Variants in TRIM9 observed in about 807,000 individuals in gnomAD.
TRIM9 encodes the protein tripartite motif containing 9.
In TRIM9, 26 loss-of-function variants were observed where a neutral mutation model predicts 78.3. That is an observed-to-expected ratio of 0.33 (90% CI 0.24 to 0.46). The LOEUF (loss-of-function observed/expected upper bound fraction) is 0.46. TRIM9 is among the 20% of genes least tolerant of loss of function. The probability of loss-of-function intolerance (pLI) is 1.00; values close to 1 mark genes in which losing one functional copy is unlikely to be tolerated. For missense variants in TRIM9, 787 were observed against 1,036.4 expected, an observed-to-expected ratio of 0.76 and a Z score of 3.30; for synonymous variants, 398 against 416.5, an observed-to-expected ratio of 0.96 and a Z score of 0.54.
At chr14:51,061,510 C>A (rs1246573167) in intron 1 of TRIM9, among the ~76,000 whole-genome samples, 1 of 150,774 alleles carries the variant, frequency 6.6e-6, no homozygotes, top group Non-Finnish European at 1.5e-5. Context: ...TTTTCCTAGT[C>A]TGTATCTTGA....
chr14:51,039,394 A>G lies in TRIM9; in HGVS notation c.823-14034T>C, dbSNP rs552728565. 1.0e-4 allele frequency among the ~76,000 whole-genome samples: 16 copies of G among 152,388 alleles called. No homozygotes were observed. The South Asian group carries it at 2.9e-3, about 28-fold the overall frequency. On this transcript the variant is annotated intron_variant, in intron 1 of 12. Coordinates refer to ENST00000684578, the MANE Select transcript of TRIM9 (RefSeq NM_001387360.1). The stretch of plus-strand genomic sequence containing the variant: ...CAAGCTGGAAACAGCTCAGATGTCT[A>G]CCAACAGTAACATGCATAAATAAAC...
chr14:51,039,613 A>G (rs947192829), intron 1 of TRIM9, among the ~76,000 whole-genome samples: 2 of 152,164 alleles, frequency 1.3e-5, no homozygotes, highest in African/African-American at 4.8e-5. Context: ...TTGACTGGCA[A>G]GTGTCATGAG....
chr14:51,042,604 C>T (rs548065998), intron 1 of TRIM9, among the ~76,000 whole-genome samples: 102 of 152,302 alleles, frequency 6.7e-4, no homozygotes, highest in African/African-American at 2.3e-3. Context: ...TAATTTTACC[C>T]TGATGTTACA....
At chr14:51,065,816 C>T (rs2061684523) in intron 1 of TRIM9, among the ~76,000 whole-genome samples, 1 of 151,932 alleles carries the variant, frequency 6.6e-6, no homozygotes, top group Non-Finnish European at 1.5e-5. Context: ...GCTGCTATGC[C>T]CTTCAGAGTA....
chr14:51,075,813 A>G (rs1194279163), intron 1 of TRIM9, among the ~76,000 whole-genome samples: 2 of 152,174 alleles, frequency 1.3e-5, no homozygotes, highest in Non-Finnish European at 2.9e-5. Context: ...CTTCTGACTA[A>G]CCCAACTTCT....
chr14:51,075,777 C>T (rs2062725159), intron 1 of TRIM9, among the ~76,000 whole-genome samples: 2 of 152,182 alleles, frequency 1.3e-5, no homozygotes, highest in Non-Finnish European at 2.9e-5. Flanking sequence ...TCTGATCGAT[C>T]TGAATTTCTC....
In TRIM9 at chr14:51,042,898, C is replaced by T. The variant is rs143071572; in HGVS notation, c.823-17538G>A. 2.4e-3 allele frequency among the ~76,000 whole-genome samples: 363 copies of T among 152,280 alleles called. 3 individuals are homozygous for T. The highest frequency in any genetic ancestry group is 8.3e-3 in the African/African-American group (343 of 41,556). ...AACCTCCCCTGCCTCCTTTAACCTT[C>T]GTTCTACTCTGTTCTAGGAATGTAG... On this transcript the variant is annotated intron_variant, in intron 1 of 12. Coordinates refer to ENST00000684578, the MANE Select transcript of TRIM9 (RefSeq NM_001387360.1).
chr14:51,011,107 G>A (rs556080748), intron 3 of TRIM9, among the ~76,000 whole-genome samples: 1 of 152,296 alleles, frequency 6.6e-6, no homozygotes, highest in South Asian at 2.1e-4. Flanking sequence ...GAAGACGGAT[G>A]CAGAATTAAG....
At chr14:50,979,921 C>G (rs2051622637) in intron 11 of TRIM9, among the ~76,000 whole-genome samples, 1 of 152,162 alleles carries the variant, frequency 6.6e-6, no homozygotes, top group African/African-American at 2.4e-5. Context: ...ACATTAAAGA[C>G]TAGGAAAAAG....
At chr14:51,043,284 T>C (rs980852437) in intron 1 of TRIM9, among the ~76,000 whole-genome samples, 7 of 152,286 alleles carry the variant, frequency 4.6e-5, no homozygotes, top group Admixed American at 3.9e-4. Context: ...TCAGAGTGTA[T>C]AGACTCTATG....
chr14:51,014,421 C>T (rs952954278), intron 3 of TRIM9, among the ~76,000 whole-genome samples: 18 of 152,178 alleles, frequency 1.2e-4, no homozygotes, highest in East Asian at 3.9e-4. Flanking sequence ...CCCTCACTCT[C>T]GCTACAGTTG....
chr14:51,039,175 C>A (rs2059394489), intron 1 of TRIM9, among the ~76,000 whole-genome samples: 1 of 152,124 alleles, frequency 6.6e-6, no homozygotes, highest in South Asian at 2.1e-4. Flanking sequence ...AGTGGACTGA[C>A]AATTTGGAGT....
intron 5 of TRIM9, among the ~76,000 whole-genome samples, chr14:51,008,418 T>C (rs1291575944): frequency 6.6e-6 from 1 of 152,240 alleles, no homozygotes. Context: ...AAAAGAAATA[T>C]TTTTCAAATG....
In TRIM9 at chr14:50,977,119, T is replaced by G. The variant is rs547123076; in HGVS notation, c.*172A>C. The G allele has an allele frequency of 4.3e-4, 175 of 410,764 alleles. 3 individuals carry two copies. In the East Asian group the frequency reaches 4.7e-3, roughly 11 times the overall value. 25.4% of individuals were successfully genotyped at this position (410,764 alleles called of 1,614,324 possible). On this transcript the variant is annotated 3_prime_UTR_variant, in exon 13 of 13. Transcript: ENST00000684578. ...GCAGGCATGACAGCGGAGGAGAGGT[T>G]GAAAGGGAAAAGGGCAGAGCTGTGG...
intron 3 of TRIM9, among the ~76,000 whole-genome samples, chr14:51,017,398 C>T (rs900906243): frequency 6.6e-6 from 1 of 152,186 alleles, no homozygotes; most frequent in East Asian, 1.9e-4. Flanking sequence ...AGATTTTTAA[C>T]AGTAAAGCTG....
chr14:51,010,991 C>G (rs781272629), intron 3 of TRIM9, among the ~76,000 whole-genome samples: 1 of 152,148 alleles, frequency 6.6e-6, no homozygotes, highest in Non-Finnish European at 1.5e-5. Flanking sequence ...CCCCACAGCC[C>G]CACGGTCAAT....
intron 1 of TRIM9, among the ~76,000 whole-genome samples, chr14:51,054,277 T>A (rs1259040832): frequency 7.2e-6 from 1 of 139,508 alleles, no homozygotes; most frequent in East Asian, 2.1e-4. Context: ...GGAGAAAGAA[T>A]TGAATCCTAT....
intron 1 of TRIM9, among the ~76,000 whole-genome samples, chr14:51,049,109 T>C (rs887119219): frequency 6.6e-6 from 1 of 152,200 alleles, no homozygotes; most frequent in Non-Finnish European, 1.5e-5. Context: ...TCACCCATGC[T>C]GGCATGCAGA....
intron 1 of TRIM9, among the ~76,000 whole-genome samples, chr14:51,047,960 A>G (rs991210825): frequency 2.7e-4 from 4 of 14,740 alleles, no homozygotes; most frequent in Non-Finnish European, 8.5e-4. Flanking sequence ...ACCCTGTCTC[A>G]AAAAAAAAAA....
Sources: gnomAD v4.1 joint callset for allele counts (sites outside exome capture counted in the v4.1 genomes callset) on GRCh38, gnomAD v4.1.1 for gene constraint, MANE v1.5 for transcripts, NCBI Gene and HGNC (gene_info 2026-07-23, HGNC 2026-07-21) for gene names.